MGRN1: variants seen among roughly 807,000 people sequenced by gnomAD.
The protein encoded by MGRN1 is E3 ubiquitin-protein ligase MGRN1.
MGRN1 carries 29 observed loss-of-function variants against 69.2 expected under a neutral mutation model. That is an observed-to-expected ratio of 0.42 (90% CI 0.31 to 0.57). The LOEUF is 0.57. Among genes scored for constraint, MGRN1 ranks in the 20% least tolerant of loss-of-function variants. The pLI is 0.15. For missense variants in MGRN1, 998 were observed against 796.2 expected, an observed-to-expected ratio of 1.25 and a Z score of -3.05; for synonymous variants, 470 against 344.2, an observed-to-expected ratio of 1.37 and a Z score of -4.04.
intron 1 of MGRN1, 82 bp from the exon 2 acceptor site, chr16:4,650,283 G>A: frequency 9.2e-7 from 1 of 1,091,980 alleles, no homozygotes; most frequent in East Asian, 2.5e-5. Flanking sequence ...AGCCTGGGTG[G>A]AGCGCCACTG....
intron 8 of MGRN1, among the ~76,000 whole-genome samples, chr16:4,671,052 G>T (rs992270730): frequency 6.6e-6 from 1 of 152,196 alleles, no homozygotes; most frequent in African/African-American, 2.4e-5. Flanking sequence ...GTGCCTTCAG[G>T]CGTCAGCTCC....
chr16:4,642,536 G>T lies in MGRN1; in HGVS notation c.89-7829G>T, dbSNP rs2078183938. 2.6e-5 allele frequency among the ~76,000 whole-genome samples: 4 copies of T among 151,252 alleles called. No individual in the cohort carries two copies. In the South Asian group the frequency reaches 8.3e-4, roughly 31 times the overall value. ...AGATGGGGGTTTCACCTTGTTGCCA[G>T]ACTGGTCTTAAACTCCTGACCTTGT... On this transcript the variant is annotated intron_variant, in intron 1 of 16. Transcript: ENST00000262370.
intron 1 of MGRN1, among the ~76,000 whole-genome samples, chr16:4,639,610 C>A (rs937842925): frequency 6.6e-6 from 1 of 152,190 alleles, no homozygotes. Flanking sequence ...CGTCTGCCCC[C>A]TCGGTGCGGG....
Position 4,643,037 on chromosome 16 carries a change from C to T in MGRN1, c.89-7328C>T, listed in dbSNP as rs1222792158. On this transcript the variant is annotated intron_variant, in intron 1 of 16. Coordinates refer to ENST00000262370, the MANE Select transcript of MGRN1 (RefSeq NM_015246.4). ...GTGGCACAATCTCAGCTCACTGCAG[C>T]CTCTGCCTCCCAAGTTCAAGCGATT... Among the ~76,000 whole-genome samples, 6 of 152,226 alleles carry T rather than the reference C, an allele frequency of 3.9e-5. No individual in the cohort carries two copies. The East Asian group carries it at 1.2e-3, about 29-fold the overall frequency.
chr16:4,637,118 CAAAAAAAAA>C (rs36033548), intron 1 of MGRN1, among the ~76,000 whole-genome samples: 1 of 48,506 alleles, frequency 2.1e-5, no homozygotes, highest in Non-Finnish European at 4.1e-5. Context: ...GACTCCATCT[CAAAAAAAAA>C]AAAAAAAAAA....
intron 13 of MGRN1, among the ~76,000 whole-genome samples, chr16:4,682,452 C>T (rs1470769180): frequency 6.6e-6 from 1 of 152,220 alleles, no homozygotes; most frequent in Non-Finnish European, 1.5e-5. Flanking sequence ...TGCAGGCCCG[C>T]CCTGGGCACC....
intron 5 of MGRN1, among the ~76,000 whole-genome samples, chr16:4,660,990 C>T (rs1035225402): frequency 2.0e-5 from 3 of 152,132 alleles, no homozygotes; most frequent in Non-Finnish European, 4.4e-5. Context: ...TTATTTTTCC[C>T]CCTTTTTTTG....
chr16:4,666,038 G>A (rs534723478), intron 7 of MGRN1, among the ~76,000 whole-genome samples: 1 of 151,916 alleles, frequency 6.6e-6, no homozygotes, highest in Non-Finnish European at 1.5e-5. Flanking sequence ...CACTGTGCTA[G>A]CCAGGATGGT....
At chr16:4,652,945 A>G in intron 4 of MGRN1, 121 bp downstream of exon 4, 1 of 1,283,586 alleles carries the variant, frequency 7.8e-7, no homozygotes, top group East Asian at 2.8e-5. Flanking sequence ...CCATACTCCC[A>G]GGACTTTACC....
intron 5 of MGRN1, among the ~76,000 whole-genome samples, chr16:4,661,014 C>T (rs962456468): frequency 1.9e-4 from 29 of 152,226 alleles, no homozygotes; most frequent in African/African-American, 6.5e-4. Flanking sequence ...CAGGGGCTCA[C>T]TCTGTCTCCC....
At chr16:4,625,996 G>T (rs905344594) in intron 1 of MGRN1, among the ~76,000 whole-genome samples, 15 of 152,228 alleles carry the variant, frequency 9.9e-5, no homozygotes, top group Non-Finnish European at 2.1e-4. Context: ...GTGTGGGCCA[G>T]GTCCACAAGT....
At position 4,680,117 on chromosome 16, in the gene MGRN1, G is replaced by A. The variant is rs758405269; in HGVS notation, c.1131+20G>A. 1 of 1,612,618 alleles carries A rather than the reference G, an allele frequency of 6.2e-7. No homozygotes were observed. The highest frequency in any genetic ancestry group is 1.1e-5 in the South Asian group (1 of 90,888). On this transcript the variant is annotated intron_variant, in intron 12 of 16. Coordinates refer to ENST00000262370, the MANE Select transcript of MGRN1 (RefSeq NM_015246.4). ...GAAACAGTAAGTGTCTGGTCCTCCG[G>A]CTACGTTTTTTTGCCCCCGCCCTCA...
intron 5 of MGRN1, among the ~76,000 whole-genome samples, chr16:4,661,385 C>T (rs1240632425): frequency 6.6e-6 from 1 of 152,210 alleles, no homozygotes; most frequent in Non-Finnish European, 1.5e-5. Context: ...ACCCTCCAGC[C>T]CTCTCCCGGA....
At chr16:4,651,868 T>A in intron 2 of MGRN1, 95 bp from the exon 3 acceptor site, 5 of 1,082,818 alleles carry the variant, frequency 4.6e-6, no homozygotes, top group Non-Finnish European at 7.2e-6. Flanking sequence ...ATCCCAGGGA[T>A]ACCCTCTGGG....
Position 4,690,591 on chromosome 16 carries a change from C to CTCACGCACATGT in MGRN1, c.*1688_*1699dup, listed in dbSNP as rs1005571019. 6.6e-6 allele frequency: 1 copy of CTCACGCACATGT among 152,440 alleles called. No individual in the cohort carries two copies. Among genetic ancestry groups the CTCACGCACATGT allele is most frequent in the Non-Finnish European group, 1.5e-5 (1 of 68,162 alleles). The allele number at this position is 152,440 out of a possible 1,614,324, so 9.4% of individuals were successfully genotyped here. A position where few individuals can be genotyped will look rare whatever the true frequency, so the allele number is the denominator to read the frequency against. On this transcript the variant is annotated 3_prime_UTR_variant, in exon 17 of 17. Coordinates refer to ENST00000262370, the MANE Select transcript of MGRN1 (RefSeq NM_015246.4). ...ACAAATGCACGCCCACTTGCACATGCTCACGCACATGTTCACACATGCACA... is the reference window on the plus strand; with the variant it reads ...ACAAATGCACGCCCACTTGCACATGCTCACGCACATGTTCACGCACATGTTCACACATGCACA...
chr16:4,673,679 T>A, intron 10 of MGRN1, 22 bp downstream of exon 10: 2 of 1,610,498 alleles, frequency 1.2e-6, no homozygotes, highest in Non-Finnish European at 1.7e-6. Context: ...GGCCGGCTGT[T>A]CTGTGGAAGG....
At chr16:4,629,586 A>G (rs1174839000) in intron 1 of MGRN1, among the ~76,000 whole-genome samples, 2 of 151,902 alleles carry the variant, frequency 1.3e-5, no homozygotes, top group East Asian at 3.9e-4. Flanking sequence ...TAAAAATACA[A>G]AAATTAGCTG....
chr16:4,645,421 G>T (rs1244029894), intron 1 of MGRN1, among the ~76,000 whole-genome samples: 2 of 152,126 alleles, frequency 1.3e-5, no homozygotes, highest in African/African-American at 4.8e-5. Flanking sequence ...CTCCTGCCTT[G>T]ATCTTCCAAA....
intron 10 of MGRN1, 66 bp from the exon 11 acceptor site, chr16:4,677,396 GC>G: frequency 1.5e-6 from 2 of 1,308,730 alleles, no homozygotes; most frequent in South Asian, 2.9e-5. Context: ...GATCCCTGGG[GC>G]TGGGAGGGTC....
Sources: allele counts gnomAD v4.1 joint callset (sites outside exome capture counted in the v4.1 genomes callset), GRCh38; gene constraint gnomAD v4.1.1; transcripts MANE v1.5; gene names NCBI Gene and HGNC (gene_info 2026-07-23, HGNC 2026-07-21).